MYT1L: variants seen among roughly 807,000 people sequenced by gnomAD.
MYT1L encodes myelin transcription factor 1-like protein.
Under a neutral mutation model 126.7 loss-of-function variants are expected in MYT1L, and 12 were observed. That is an observed-to-expected ratio of 0.09 (90% CI 0.06 to 0.15). The LOEUF (loss-of-function observed/expected upper bound fraction) is 0.15. Among genes scored for constraint, MYT1L ranks in the 10% least tolerant of loss-of-function variants. MYT1L has a pLI of 1.00. For missense variants in MYT1L, 979 were observed against 1,585.2 expected, an observed-to-expected ratio of 0.62 and a Z score of 6.49; for synonymous variants, 541 against 604.2, an observed-to-expected ratio of 0.90 and a Z score of 1.53.
chr2:1,863,321 G>A (rs2044966255), intron 18 of MYT1L, among the ~76,000 whole-genome samples: 1 of 152,196 alleles, frequency 6.6e-6, no homozygotes, highest in Admixed American at 6.5e-5. Flanking sequence ...TGCAGGAGAA[G>A]CACAGGCCCT....
chr2:1,962,972 T>A (rs1188754679), intron 8 of MYT1L, among the ~76,000 whole-genome samples: 3 of 152,252 alleles, frequency 2.0e-5, no homozygotes, highest in Non-Finnish European at 4.4e-5. Flanking sequence ...TAATGGCAAC[T>A]GGAATGGTGA....
chr2:2,287,616 G>A (rs1442613431), intron 1 of MYT1L, among the ~76,000 whole-genome samples: 2 of 152,152 alleles, frequency 1.3e-5, no homozygotes, highest in Non-Finnish European at 2.9e-5. Context: ...TGCAAAATGA[G>A]GATAATGGAT....
intron 2 of MYT1L, among the ~76,000 whole-genome samples, chr2:2,193,010 T>A (rs2092662277): frequency 2.0e-5 from 3 of 152,154 alleles, no homozygotes; most frequent in South Asian, 2.1e-4. Context: ...TCACCCAGAC[T>A]GGAGTGCAGT....
At chr2:2,290,956 C>T (rs1043179409) in intron 1 of MYT1L, among the ~76,000 whole-genome samples, 10 of 152,102 alleles carry the variant, frequency 6.6e-5, no homozygotes, top group Non-Finnish European at 1.0e-4. Context: ...ACCACTTCCT[C>T]CATTAGATAA....
At chr2:2,193,870 T>C (rs932799798) in intron 2 of MYT1L, among the ~76,000 whole-genome samples, 1 of 152,146 alleles carries the variant, frequency 6.6e-6, no homozygotes, top group Non-Finnish European at 1.5e-5. Context: ...ATTTCTTGAA[T>C]ATGAAACAGT....
At chr2:1,821,405 TTTTTA>T (rs2038505790) in intron 21 of MYT1L, among the ~76,000 whole-genome samples, 1 of 152,196 alleles carries the variant, frequency 6.6e-6, no homozygotes. Flanking sequence ...CAAAGTAAAC[TTTTTA>T]TTTATTTTTT....
chr2:2,082,306 T>C (rs573860104), intron 3 of MYT1L, among the ~76,000 whole-genome samples: 16 of 152,328 alleles, frequency 1.1e-4, no homozygotes, highest in Admixed American at 2.6e-4. Flanking sequence ...GATGTGGGGA[T>C]TGAACTAACA....
chr2:1,989,293 A>G (rs1453988733), intron 5 of MYT1L, among the ~76,000 whole-genome samples: 1 of 152,144 alleles, frequency 6.6e-6, no homozygotes, highest in East Asian at 1.9e-4. Context: ...GGAGCAGCTG[A>G]GAGTGTCTTC....
chr2:1,949,400 T>C (rs11890311), intron 8 of MYT1L, among the ~76,000 whole-genome samples: 14,125 of 152,118 alleles, frequency 0.093, 1,183 homozygotes, highest in African/African-American at 0.23. Flanking sequence ...GCCTGGGCCA[T>C]GCCTCCTGGG....
intron 3 of MYT1L, among the ~76,000 whole-genome samples, chr2:2,168,220 C>A (rs1054792776): frequency 6.6e-6 from 1 of 152,026 alleles, no homozygotes; most frequent in African/African-American, 2.4e-5. Context: ...CCCAGAGGCT[C>A]CAGGTCAGAG....
intron 3 of MYT1L, among the ~76,000 whole-genome samples, chr2:2,082,220 C>G (rs1287705312): frequency 6.6e-6 from 1 of 152,124 alleles, no homozygotes; most frequent in Admixed American, 6.5e-5. Context: ...ATGGAAACAC[C>G]TGGGGCAGTT....
chr2:2,169,884 T>C (rs1031084038), intron 3 of MYT1L, among the ~76,000 whole-genome samples: 3 of 152,154 alleles, frequency 2.0e-5, no homozygotes, highest in African/African-American at 7.2e-5. Flanking sequence ...TCCAGTTGGA[T>C]TTAGTTTGGT....
chr2:1,966,950 CTTTT>C lies in MYT1L; in HGVS notation c.152+12211_152+12214del, dbSNP rs113028411. ...AAACAATAGATTATTTTTTTTCTCA[CTTTT>C]TAGCTAGATGTGTTGATACTGGGAA... On this transcript the variant is annotated intron_variant, in intron 8 of 24. Transcript: ENST00000647738. Among the ~76,000 whole-genome samples the C allele has an allele frequency of 2.0e-3, 309 of 152,170 alleles. 1 individual carries two copies. Among genetic ancestry groups the C allele is most frequent in the African/African-American group, 7.1e-3 (295 of 41,518 alleles).
At chr2:1,800,621 T>A (rs1415652117) in intron 23 of MYT1L, among the ~76,000 whole-genome samples, 1 of 152,124 alleles carries the variant, frequency 6.6e-6, no homozygotes, top group Non-Finnish European at 1.5e-5. Flanking sequence ...AACCACCTGT[T>A]GAGCAGAGCC....
intron 2 of MYT1L, among the ~76,000 whole-genome samples, chr2:2,176,126 T>C (rs964010295): frequency 6.6e-5 from 10 of 152,208 alleles, no homozygotes; most frequent in African/African-American, 2.4e-4. Context: ...ATTTAGGATA[T>C]GTCCACTTTC....
chr2:1,886,431 G>C, intron 18 of MYT1L, 108 bp downstream of exon 18: 1 of 765,382 alleles, frequency 1.3e-6, no homozygotes, highest in South Asian at 2.6e-5. Flanking sequence ...GGGTGCACAG[G>C]CCATGTTTTT....
chr2:1,797,732 T>C (rs2033896278), intron 23 of MYT1L, among the ~76,000 whole-genome samples: 1 of 152,266 alleles, frequency 6.6e-6, no homozygotes, highest in Non-Finnish European at 1.5e-5. Context: ...ATTTGAATTC[T>C]TACAACTGAA....
intron 2 of MYT1L, among the ~76,000 whole-genome samples, chr2:2,220,309 C>A (rs185653664): frequency 6.6e-6 from 1 of 152,258 alleles, no homozygotes; most frequent in East Asian, 1.9e-4. Context: ...AAAGGCGGGA[C>A]AACTCCAAGG....
chr2:2,104,453 A>G (rs1471257690), intron 3 of MYT1L, among the ~76,000 whole-genome samples: 1 of 152,210 alleles, frequency 6.6e-6, no homozygotes, highest in Non-Finnish European at 1.5e-5. Flanking sequence ...CTAGAAGAAA[A>G]ACTGCACACA....
Sources: gnomAD v4.1 joint callset for allele counts (sites outside exome capture counted in the v4.1 genomes callset) on GRCh38, gnomAD v4.1.1 for gene constraint, MANE v1.5 for transcripts, NCBI Gene and HGNC (gene_info 2026-07-23, HGNC 2026-07-21) for gene names.